BMPER: variants seen among roughly 807,000 people sequenced by gnomAD.
The protein encoded by BMPER is BMP-binding endothelial regulator protein.
Under a neutral mutation model 87.3 loss-of-function variants are expected in BMPER, and 45 were observed. The observed-to-expected ratio is 0.52, with a 90% confidence interval of 0.41 to 0.66. The LOEUF (loss-of-function observed/expected upper bound fraction) is 0.66, where lower values mean the gene tolerates loss of function less well. Ranked by LOEUF, BMPER falls within the 30% of genes least tolerant of loss-of-function variation. The probability of loss-of-function intolerance (pLI) is 0.00; values close to 1 mark genes in which losing one functional copy is unlikely to be tolerated. For missense variants in BMPER, 784 were observed against 867.5 expected (o/e 0.90, Z 1.21); for synonymous variants, 326 against 316.2 (o/e 1.03, Z -0.33).
chr7:33,933,763 G>C (rs563576794), intron 2 of BMPER, among the ~76,000 whole-genome samples: 28 of 152,238 alleles, frequency 1.8e-4, no homozygotes, highest in African/African-American at 6.7e-4. Flanking sequence ...AATCTCCCCT[G>C]GGGCCTGAGG....
intron 6 of BMPER, among the ~76,000 whole-genome samples, chr7:33,985,990 A>G (rs1786001433): frequency 6.6e-6 from 1 of 152,220 alleles, no homozygotes; most frequent in South Asian, 2.1e-4. Flanking sequence ...AATATATTAA[A>G]AAATAGAAAA....
intron 7 of BMPER, among the ~76,000 whole-genome samples, chr7:34,048,967 A>G (rs1788067534): frequency 6.6e-6 from 1 of 152,212 alleles, no homozygotes; most frequent in African/African-American, 2.4e-5. Context: ...CAAGAAACAG[A>G]GACAAAAAAG....
chr7:34,093,524 A>G (rs1789447996), intron 13 of BMPER, among the ~76,000 whole-genome samples: 4 of 152,238 alleles, frequency 2.6e-5, no homozygotes, highest in Admixed American at 2.6e-4. Flanking sequence ...CAGGCAGGAC[A>G]TTCCAGGGGC....
chr7:33,948,151 C>A (rs1784931858), intron 3 of BMPER, among the ~76,000 whole-genome samples: 1 of 152,128 alleles, frequency 6.6e-6, no homozygotes, highest in East Asian at 1.9e-4. Flanking sequence ...TTAGACATGG[C>A]CAAATTCTCT....
chr7:34,003,010 T>G (rs780482264), intron 6 of BMPER, among the ~76,000 whole-genome samples: 7 of 151,872 alleles, frequency 4.6e-5, no homozygotes, highest in Non-Finnish European at 1.0e-4. Flanking sequence ...CATTTCCATT[T>G]AATGTAATTT....
intron 13 of BMPER, among the ~76,000 whole-genome samples, chr7:34,125,009 C>G (rs190509676): frequency 2.6e-5 from 4 of 151,390 alleles, no homozygotes; most frequent in Non-Finnish European, 5.9e-5. Flanking sequence ...AAAAAAAAAC[C>G]CAGTATTTGG....
At position 34,123,472 on chromosome 7, in the gene BMPER, A is replaced by G. The variant is rs1790313998; in HGVS notation, c.1746-19758A>G. ...GGGAGTTTTCTGATGCCCTGGCCAC[A>G]CTCAGGACAATTTAGTCAGAATCTT... On this transcript the variant is annotated intron_variant, in intron 13 of 14. Transcript: ENST00000649409. Among the ~76,000 whole-genome samples, 3 of 152,162 alleles carry G rather than the reference A, an allele frequency of 2.0e-5. 1 individual carries two copies. The South Asian group carries it at 6.2e-4, about 32-fold the overall frequency.
intron 3 of BMPER, among the ~76,000 whole-genome samples, chr7:33,944,708 G>A (rs556315317): frequency 2.2e-4 from 34 of 152,050 alleles, no homozygotes; most frequent in African/African-American, 6.8e-4. Flanking sequence ...TCTGTTTATC[G>A]TTTATTCTAT....
chr7:34,139,474 CT>C (rs1790808332), intron 13 of BMPER, among the ~76,000 whole-genome samples: 1 of 152,130 alleles, frequency 6.6e-6, no homozygotes, highest in Non-Finnish European at 1.5e-5. Flanking sequence ...TGATGTTTCC[CT>C]TTTTAGAAAA....
chr7:34,063,165 A>G (rs1349304239), intron 11 of BMPER, among the ~76,000 whole-genome samples: 1 of 152,232 alleles, frequency 6.6e-6, no homozygotes, highest in Non-Finnish European at 1.5e-5. Context: ...TATGATAAGT[A>G]GGATTAACAA....
intron 13 of BMPER, among the ~76,000 whole-genome samples, chr7:34,099,437 A>G (rs1789618144): frequency 6.6e-6 from 1 of 152,194 alleles, no homozygotes; most frequent in African/African-American, 2.4e-5. Context: ...TTTCTTGTAA[A>G]AGATTTTTGT....
intron 3 of BMPER, among the ~76,000 whole-genome samples, chr7:33,943,774 C>T (rs117128750): frequency 0.027 from 4,071 of 152,296 alleles, 71 homozygotes; most frequent in Non-Finnish European, 0.042. Flanking sequence ...CATTTCCATT[C>T]CATCTAACGG....
At chr7:34,063,793 T>G (rs1326723783) in intron 11 of BMPER, among the ~76,000 whole-genome samples, 1 of 152,252 alleles carries the variant, frequency 6.6e-6, no homozygotes, top group Non-Finnish European at 1.5e-5. Context: ...GAGTCTACAC[T>G]GATGAAGTTT....
At chr7:34,071,365 G>C (rs1562724307) in intron 11 of BMPER, among the ~76,000 whole-genome samples, 1 of 152,298 alleles carries the variant, frequency 6.6e-6, no homozygotes, top group Non-Finnish European at 1.5e-5. Flanking sequence ...TGTTCTTAGA[G>C]TCATGTTATA....
intron 13 of BMPER, among the ~76,000 whole-genome samples, chr7:34,110,714 G>C (rs1487229599): frequency 1.3e-5 from 2 of 152,202 alleles, no homozygotes; most frequent in Admixed American, 6.5e-5. Flanking sequence ...AAAGGTGCAG[G>C]CCTCAAGCCC....
chr7:33,966,641 C>G (rs1257641928), intron 4 of BMPER, 80 bp downstream of exon 4: 12 of 1,375,864 alleles, frequency 8.7e-6, no homozygotes, highest in Non-Finnish European at 1.2e-5. Context: ...CAACATAGAA[C>G]AAAACCCTAA....
chr7:34,016,545 T>C (rs1413523600), intron 6 of BMPER, among the ~76,000 whole-genome samples: 1 of 152,002 alleles, frequency 6.6e-6, no homozygotes, highest in Admixed American at 6.6e-5. Context: ...GATTCTTGAC[T>C]GCATTTTAAG....
intron 3 of BMPER, among the ~76,000 whole-genome samples, chr7:33,944,135 AT>A (rs886375002): frequency 1.3e-5 from 2 of 151,754 alleles, no homozygotes; most frequent in African/African-American, 4.8e-5. Flanking sequence ...TTTAAGAATG[AT>A]TTTTTTCTTC....
At chr7:34,037,121 A>C (rs1013842492) in intron 6 of BMPER, among the ~76,000 whole-genome samples, 1 of 152,058 alleles carries the variant, frequency 6.6e-6, no homozygotes, top group Non-Finnish European at 1.5e-5. Flanking sequence ...AGATTGCTTG[A>C]GGCTGAGAGT....
Sources: gnomAD v4.1 joint callset for allele counts (sites outside exome capture counted in the v4.1 genomes callset) on GRCh38, gnomAD v4.1.1 for gene constraint, MANE v1.5 for transcripts, NCBI Gene and HGNC (gene_info 2026-07-23, HGNC 2026-07-21) for gene names.